Variants in EPHB1 observed in about 807,000 individuals in gnomAD.
EPHB1 encodes the protein EPH receptor B1.
A neutral mutation model predicts 94.4 loss-of-function variants in EPHB1; 30 were observed. That is an observed-to-expected ratio of 0.32 (90% CI 0.24 to 0.43). The LOEUF (loss-of-function observed/expected upper bound fraction) is 0.43, where lower values mean the gene tolerates loss of function less well. Ranked by LOEUF, EPHB1 falls within the 20% of genes least tolerant of loss-of-function variation. EPHB1 has a pLI of 1.00. For synonymous variants in EPHB1, 522 were observed against 489.1 expected (o/e 1.07, Z -0.89); for missense variants, 1,055 against 1,308.3 (o/e 0.81, Z 2.99).
At chr3:135,241,062 G>A in intron 12 of EPHB1, 86 bp from the exon 13 acceptor site, 1 of 1,516,522 alleles carries the variant, frequency 6.6e-7, no homozygotes, top group Non-Finnish European at 9.1e-7. Context: ...TGAGAGTTTG[G>A]AAGAATGTGC....
intron 3 of EPHB1, among the ~76,000 whole-genome samples, chr3:135,079,879 G>A (rs985673136): frequency 1.2e-4 from 18 of 152,084 alleles, no homozygotes; most frequent in African/African-American, 4.3e-4. Context: ...CTAATGCATG[G>A]GGGCAACTGG....
chr3:135,193,822 A>G (rs1942525339), intron 11 of EPHB1, among the ~76,000 whole-genome samples: 2 of 152,228 alleles, frequency 1.3e-5, no homozygotes, highest in Non-Finnish European at 2.9e-5. Context: ...TACGTAACAA[A>G]TCATCCCCAA....
At chr3:134,963,399 T>C (rs1169162847) in intron 3 of EPHB1, among the ~76,000 whole-genome samples, 1 of 152,164 alleles carries the variant, frequency 6.6e-6, no homozygotes, top group Admixed American at 6.5e-5. Flanking sequence ...TTATGCACTC[T>C]TCAGTGTAGC....
chr3:135,076,132 G>A (rs1291550803), intron 3 of EPHB1, among the ~76,000 whole-genome samples: 2 of 151,608 alleles, frequency 1.3e-5, no homozygotes. Context: ...TTGACCTTAG[G>A]GCAAAGATTT....
intron 1 of EPHB1, among the ~76,000 whole-genome samples, chr3:134,877,947 GTGA>G (rs2037651275): frequency 3.3e-5 from 5 of 152,224 alleles, no homozygotes; most frequent in Non-Finnish European, 7.3e-5. Flanking sequence ...TGGCTTCCAG[GTGA>G]AGTCGGAGTG....
At chr3:134,838,270 GAT>G (rs1200144819) in intron 1 of EPHB1, among the ~76,000 whole-genome samples, 1 of 152,194 alleles carries the variant, frequency 6.6e-6, no homozygotes, top group Non-Finnish European at 1.5e-5. Flanking sequence ...GGCCCTAAGA[GAT>G]AATTTAATCT....
intron 3 of EPHB1, among the ~76,000 whole-genome samples, chr3:134,980,023 T>C (rs573076135): frequency 6.6e-6 from 1 of 152,330 alleles, no homozygotes; most frequent in East Asian, 1.9e-4. Flanking sequence ...TACCAATTGC[T>C]GCATAGCAAA....
chr3:135,249,631 AC>A (rs1410598326), intron 15 of EPHB1, 140 bp downstream of exon 15: 1 of 932,646 alleles, frequency 1.1e-6, no homozygotes. Context: ...GATGGGGAGC[AC>A]CTTGGAAAGA....
chr3:134,890,816 G>T (rs941081040), intron 1 of EPHB1, among the ~76,000 whole-genome samples: 6 of 152,012 alleles, frequency 3.9e-5, no homozygotes, highest in Non-Finnish European at 5.9e-5. Flanking sequence ...CAAGTATTTT[G>T]TCTCTTTTGT....
intron 1 of EPHB1, among the ~76,000 whole-genome samples, chr3:134,885,549 A>G (rs1263565600): frequency 6.6e-6 from 1 of 152,208 alleles, no homozygotes; most frequent in Non-Finnish European, 1.5e-5. Context: ...GAGTTGACCA[A>G]GAGGCAACAG....
chr3:134,986,673 G>A (rs981289097), intron 3 of EPHB1, among the ~76,000 whole-genome samples: 9 of 150,172 alleles, frequency 6.0e-5, no homozygotes, highest in Non-Finnish European at 8.9e-5. Flanking sequence ...TCTCTAAAAT[G>A]TCAGGTTACT....
At chr3:134,929,233 A>G (rs2038857091) in intron 2 of EPHB1, among the ~76,000 whole-genome samples, 1 of 152,214 alleles carries the variant, frequency 6.6e-6, no homozygotes, top group Non-Finnish European at 1.5e-5. Context: ...GACGTGACAG[A>G]GCCATGAAAT....
chr3:134,850,580 G>A (rs916477541), intron 1 of EPHB1, among the ~76,000 whole-genome samples: 2 of 152,188 alleles, frequency 1.3e-5, no homozygotes, highest in Non-Finnish European at 1.5e-5. Flanking sequence ...GGAAGTGTGG[G>A]GCAGGAAGAG....
At chr3:134,976,070 G>A (rs1047272555) in intron 3 of EPHB1, among the ~76,000 whole-genome samples, 2 of 152,218 alleles carry the variant, frequency 1.3e-5, no homozygotes, top group Non-Finnish European at 2.9e-5. Flanking sequence ...CCTGGGTCCT[G>A]GATGGGGTAT....
At chr3:134,820,195 A>G (rs932943085) in intron 1 of EPHB1, among the ~76,000 whole-genome samples, 2 of 151,554 alleles carry the variant, frequency 1.3e-5, no homozygotes, top group Non-Finnish European at 2.9e-5. Context: ...TCTTTCTTCC[A>G]CTCCATTGGC....
At chr3:134,856,624 A>C (rs1377722988) in intron 1 of EPHB1, among the ~76,000 whole-genome samples, 1 of 152,262 alleles carries the variant, frequency 6.6e-6, no homozygotes, top group Non-Finnish European at 1.5e-5. Context: ...GCTGCCAAGC[A>C]GCTGAAATGT....
At chr3:134,812,249 C>T (rs2036192760) in intron 1 of EPHB1, among the ~76,000 whole-genome samples, 1 of 152,206 alleles carries the variant, frequency 6.6e-6, no homozygotes, top group African/African-American at 2.4e-5. Context: ...GTTCTCATCA[C>T]CCTCATGTCC....
rs776644483 is a variant in EPHB1 at position 134,951,400 on chromosome 3, C to T, written c.153C>T (p.Asn51=). The part of the protein sequence containing the change: ...GWEEVSGYDE[N]LNTIRTYQVC... ...AAGAAGTCAGTGGCTACGATGAAAA[C>T]CTGAACACCATCCGCACCTACCAGG... Residue 51 remains asparagine (N), a synonymous_variant, in exon 3 of 16, where the codon AAC becomes AAT. Coordinates refer to ENST00000398015, the MANE Select transcript of EPHB1 (RefSeq NM_004441.5). This position sits in a 1 kb window ranked among gnomAD's most constrained non-coding sequence, Gnocchi z 4.5. 6.3e-7 allele frequency: 1 copy of T among 1,581,076 alleles called. No individual in the cohort carries two copies. The highest frequency in any genetic ancestry group is 8.6e-7 in the Non-Finnish European group (1 of 1,161,614).
In EPHB1 at chr3:135,179,747, G is replaced by C. The variant is rs140063315; in HGVS notation, c.1760-113G>C. The C allele has an allele frequency of 4.3e-5, 55 of 1,293,412 alleles. No individual in the cohort carries two copies. In the African/African-American group the frequency reaches 6.4e-4, roughly 15 times the overall value. The allele number at this position is 1,293,412 out of a possible 1,614,324, so 80.1% of individuals were successfully genotyped here. Reference sequence around the variant, plus strand: ...GAGAGGCAGAGAAAAGTTGCAGCCTGGTGTGTAGGAGAGCTCCTCCCAGGA... The same window carrying C: ...GAGAGGCAGAGAAAAGTTGCAGCCTCGTGTGTAGGAGAGCTCCTCCCAGGA... On this transcript the variant is annotated intron_variant, in intron 9 of 15. Coordinates refer to ENST00000398015, the MANE Select transcript of EPHB1 (RefSeq NM_004441.5).
Sources: allele counts gnomAD v4.1 joint callset (sites outside exome capture counted in the v4.1 genomes callset), GRCh38; gene constraint gnomAD v4.1.1; non-coding constraint Gnocchi (gnomAD v3.1); transcripts MANE v1.5; gene names NCBI Gene and HGNC (gene_info 2026-07-23, HGNC 2026-07-21).